The following TMEM39A variants were observed in gnomAD, a reference collection of about 807,000 sequenced individuals.
TMEM39A encodes the protein suppressor of SQST-1 aggregates in rpl-43 mutants.
TMEM39A carries 19 observed loss-of-function variants against 51.9 expected under a neutral mutation model. That is an observed-to-expected ratio of 0.37 (90% CI 0.26 to 0.54). The LOEUF (loss-of-function observed/expected upper bound fraction) is 0.54, where lower values mean the gene tolerates loss of function less well. TMEM39A is among the 20% of genes least tolerant of loss of function. The probability of loss-of-function intolerance (pLI) is 0.88; values close to 1 mark genes in which losing one functional copy is unlikely to be tolerated. For missense variants in TMEM39A, 433 were observed against 590.5 expected (o/e 0.73, Z 2.76); for synonymous variants, 197 against 220.2 (o/e 0.89, Z 0.93).
chr3:119,450,648 CCT>C (rs2081185556), intron 4 of TMEM39A, among the ~76,000 whole-genome samples: 1 of 151,602 alleles, frequency 6.6e-6, no homozygotes. Flanking sequence ...ATAGTGAAAC[CCT>C]GTCTCTACTA....
intron 4 of TMEM39A, among the ~76,000 whole-genome samples, 162 bp from the exon 5 acceptor site, chr3:119,447,334 T>C (rs1042674209): frequency 2.6e-5 from 4 of 152,216 alleles, no homozygotes; most frequent in Non-Finnish European, 5.9e-5. Context: ...TTCGTAATAA[T>C]TGAAAATTCA....
rs768347436 is a variant in TMEM39A at position 119,434,721 on chromosome 3, A to C, written c.1233+41T>G. 4 of 1,608,158 alleles carry C rather than the reference A, an allele frequency of 2.5e-6. No homozygotes were observed. In the African/African-American group the frequency reaches 5.4e-5, roughly 22 times the overall value. ...CACATAGAGTGGCCTCCTAACACTT[A>C]CCCCTAAGCTTATGTTTGAAAATAA... On this transcript the variant is annotated intron_variant, in intron 8 of 8. Transcript: ENST00000319172.
At chr3:119,456,130 T>C (rs1292810626) in intron 3 of TMEM39A, among the ~76,000 whole-genome samples, 1 of 152,232 alleles carries the variant, frequency 6.6e-6, no homozygotes, top group East Asian at 1.9e-4. Flanking sequence ...GTGTGTTCGT[T>C]ATTGACACTG....
chr3:119,435,632 T>C, intron 7 of TMEM39A: 1 of 984,616 alleles, frequency 1.0e-6, no homozygotes, highest in Non-Finnish European at 1.2e-6. Context: ...TTGGAAAGGT[T>C]AGTTTCCTAG....
intron 1 of TMEM39A, 30 bp downstream of exon 1, chr3:119,463,306 C>T (rs2081364251): frequency 9.1e-6 from 3 of 330,148 alleles, no homozygotes; most frequent in African/African-American, 6.4e-5. Flanking sequence ...CCAGGACAGC[C>T]GGACCTTGGG....
chr3:119,461,888 G>C (rs2081343855), intron 2 of TMEM39A, 74 bp downstream of exon 2: 1 of 1,149,260 alleles, frequency 8.7e-7, no homozygotes, highest in African/African-American at 1.6e-5. Context: ...ATATCTGAAT[G>C]ACATGATGAC....
At chr3:119,462,633 A>AG (rs1200172060) in intron 1 of TMEM39A, among the ~76,000 whole-genome samples, 108 of 2,262 alleles carry the variant, frequency 0.048, 17 homozygotes, top group Middle Eastern at 0.5. Context: ...TGTTTCTTCA[A>AG]GGGGGGGGGG....
intron 2 of TMEM39A, among the ~76,000 whole-genome samples, chr3:119,459,073 T>C (rs527754291): frequency 6.6e-6 from 1 of 152,300 alleles, no homozygotes; most frequent in East Asian, 1.9e-4. Context: ...GCACCTTCTT[T>C]CTAGCAGTAC....
At position 119,435,504 on chromosome 3, in the gene TMEM39A, C is replaced by CAGA. The variant is rs1401572506; in HGVS notation, c.1113-625_1113-623dup. 4 of 984,188 alleles carry CAGA rather than the reference C, an allele frequency of 4.1e-6. No homozygotes were observed. In the African/African-American group the frequency reaches 5.3e-5, roughly 13 times the overall value. The allele number at this position is 984,188 out of a possible 1,614,324, so 61.0% of individuals were successfully genotyped here. A position where few individuals can be genotyped will look rare whatever the true frequency, so the allele number is the denominator to read the frequency against. On this transcript the variant is annotated intron_variant, in intron 7 of 8. Transcript: ENST00000319172. ...GGTTTCTCTGGGGGAAAAGAAGTTA[C>CAGA]AGAAGCAGCAGCTTCATTCTTTCCA... is the stretch of plus-strand genomic sequence containing the variant.
At chr3:119,462,282 C>A (rs1414022560) in intron 1 of TMEM39A, 134 bp from the exon 2 acceptor site, 2 of 509,310 alleles carry the variant, frequency 3.9e-6, no homozygotes, top group African/African-American at 1.9e-5. Context: ...CTACTACTTA[C>A]GTTATTCGAA....
At chr3:119,444,817 G>C (rs1027243141) in intron 5 of TMEM39A, among the ~76,000 whole-genome samples, 1 of 152,060 alleles carries the variant, frequency 6.6e-6, no homozygotes, top group Non-Finnish European at 1.5e-5. Flanking sequence ...TACATTTTGA[G>C]AACTACTGAT....
intron 3 of TMEM39A, among the ~76,000 whole-genome samples, chr3:119,454,495 A>T (rs2081240088): frequency 1.3e-5 from 2 of 152,232 alleles, no homozygotes; most frequent in Non-Finnish European, 2.9e-5. Flanking sequence ...AGACATTTTT[A>T]AAAATCAAAA....
chr3:119,447,546 G>A (rs1464298264), intron 4 of TMEM39A, among the ~76,000 whole-genome samples: 1 of 152,050 alleles, frequency 6.6e-6, no homozygotes, highest in African/African-American at 2.4e-5. Flanking sequence ...CCTCTCAAGG[G>A]GTAAGGAATA....
chr3:119,459,685 A>T (rs1193564906), intron 2 of TMEM39A, among the ~76,000 whole-genome samples: 1 of 152,188 alleles, frequency 6.6e-6, no homozygotes, highest in Non-Finnish European at 1.5e-5. Flanking sequence ...TTCAACCTTG[A>T]CTGTGTTACC....
chr3:119,446,437 G>A (rs1242098309), intron 5 of TMEM39A, among the ~76,000 whole-genome samples: 1 of 152,196 alleles, frequency 6.6e-6, no homozygotes, highest in Non-Finnish European at 1.5e-5. Context: ...TTCACATCCT[G>A]GTGGGACAAA....
intron 3 of TMEM39A, among the ~76,000 whole-genome samples, chr3:119,457,212 C>T (rs763072390): frequency 1.3e-5 from 2 of 152,070 alleles, no homozygotes; most frequent in Non-Finnish European, 2.9e-5. Context: ...CTTCGTGATC[C>T]GCCCGCATTA....
chr3:119,439,724 G>A (rs745415772), intron 5 of TMEM39A, among the ~76,000 whole-genome samples: 1 of 152,050 alleles, frequency 6.6e-6, no homozygotes, highest in Middle Eastern at 3.2e-3. Context: ...TACTGTGAAT[G>A]TGCCCTTGGG....
rs79464500 is a variant in TMEM39A at position 119,434,367 on chromosome 3, G to A, written c.1233+395C>T. On this transcript the variant is annotated intron_variant, in intron 8 of 8. Transcript: ENST00000319172. Reference sequence around the variant, plus strand: ...ACAAATACCTAAAAATAAAACCACCGCACTATTAATATATTAAATGTCACT... The same window carrying A: ...ACAAATACCTAAAAATAAAACCACCACACTATTAATATATTAAATGTCACT... Among the ~76,000 whole-genome samples, 1,399 of 151,892 alleles carry A rather than the reference G, an allele frequency of 9.2e-3. 41 individuals carry two copies. The South Asian group carries it at 0.1, about 11-fold the overall frequency.
chr3:119,451,255 T>C (rs1425413450), intron 4 of TMEM39A: 1 of 1,287,288 alleles, frequency 7.8e-7, no homozygotes, highest in Non-Finnish European at 1.0e-6. Flanking sequence ...CTTGACTTAG[T>C]ATTTCCAGTT....
Sources: allele counts gnomAD v4.1 joint callset (sites outside exome capture counted in the v4.1 genomes callset), GRCh38; gene constraint gnomAD v4.1.1; transcripts MANE v1.5; gene names NCBI Gene and HGNC (gene_info 2026-07-23, HGNC 2026-07-21).